Variants in SLC35F4 observed in about 807,000 individuals in gnomAD.
SLC35F4 encodes the protein solute carrier family 35 member F4.
SLC35F4 carries 24 observed loss-of-function variants against 44.2 expected under a neutral mutation model. The observed-to-expected ratio is 0.54, with a 90% CI of 0.39 to 0.76. The LOEUF (loss-of-function observed/expected upper bound fraction) is 0.76. SLC35F4 is among the 30% of genes least tolerant of loss of function. The pLI is 0.00. For missense variants in SLC35F4, 562 were observed against 586.1 expected (o/e 0.96, Z 0.42); for synonymous variants, 238 against 223.6 (o/e 1.06, Z -0.57).
intron 1 of SLC35F4, among the ~76,000 whole-genome samples, chr14:57,625,224 C>T (rs1400411982): frequency 6.6e-6 from 1 of 152,028 alleles, no homozygotes; most frequent in Non-Finnish European, 1.5e-5. Flanking sequence ...GAATAAAATA[C>T]ATAGGAATAT....
At chr14:57,980,668 A>G (rs967246313) in intron 1 of SLC35F4, among the ~76,000 whole-genome samples, 5 of 152,198 alleles carry the variant, frequency 3.3e-5, no homozygotes, top group African/African-American at 1.2e-4. Context: ...GTGTACATGT[A>G]TGTGTGGTTT....
intron 1 of SLC35F4, among the ~76,000 whole-genome samples, chr14:57,807,366 T>TA (rs2140875519): frequency 6.6e-6 from 1 of 151,512 alleles, no homozygotes; most frequent in Admixed American, 6.5e-5. Flanking sequence ...CTTCCCCTGT[T>TA]AGCAACCCAC....
In SLC35F4 at chr14:57,922,251, C is replaced by T. The variant is rs549365966; in HGVS notation, n.282+59662G>A. Among the ~76,000 whole-genome samples the T allele has an allele frequency of 2.6e-5, 4 of 152,262 alleles. No homozygotes were observed. The South Asian group carries it at 8.3e-4, about 32-fold the overall frequency. Reference sequence around the variant, plus strand: ...ACACCCAGAGAGGTTATTAAAAATGCAGGTGCCTGAAATAGAGCCCTGAAG... The same window carrying T: ...ACACCCAGAGAGGTTATTAAAAATGTAGGTGCCTGAAATAGAGCCCTGAAG... On this transcript the variant is annotated intron_variant and non_coding_transcript_variant, in intron 1 of 1. Transcript: ENST00000556568.
intron 1 of SLC35F4, among the ~76,000 whole-genome samples, chr14:57,769,033 T>C (rs1296793035): frequency 1.3e-5 from 2 of 152,166 alleles, no homozygotes; most frequent in Middle Eastern, 6.3e-3. Context: ...TTAGTTGCTC[T>C]AAAGAGTACT....
At chr14:57,770,252 C>T (rs137900371) in intron 1 of SLC35F4, among the ~76,000 whole-genome samples, 21 of 152,264 alleles carry the variant, frequency 1.4e-4, no homozygotes, top group Admixed American at 3.3e-4. Context: ...TCTTCCTGTC[C>T]GACAAGTGAT....
intron 1 of SLC35F4, among the ~76,000 whole-genome samples, chr14:57,769,347 C>CTTGCAA (rs947920991): frequency 3.9e-5 from 6 of 152,156 alleles, no homozygotes; most frequent in Admixed American, 3.9e-4. Flanking sequence ...GCATGTTTTC[C>CTTGCAA]TTGCAACTGC....
chr14:57,758,037 G>GTGTA (rs1555384226), intron 1 of SLC35F4, among the ~76,000 whole-genome samples: 5 of 149,168 alleles, frequency 3.4e-5, no homozygotes, highest in African/African-American at 1.3e-4. Flanking sequence ...GTGTGTGTGT[G>GTGTA]TGTGTTATTT....
At chr14:57,600,468 G>A (rs374374743) in intron 1 of SLC35F4, among the ~76,000 whole-genome samples, 3 of 150,552 alleles carry the variant, frequency 2.0e-5, no homozygotes, top group East Asian at 3.9e-4. Flanking sequence ...CAAGGTGGGC[G>A]GATCACGAGG....
chr14:57,776,665 C>CAAAAAAAA (rs57272978), intron 1 of SLC35F4, among the ~76,000 whole-genome samples: 16 of 72,056 alleles, frequency 2.2e-4, no homozygotes, highest in African/African-American at 6.0e-4. Flanking sequence ...GACTCCATCT[C>CAAAAAAAA]AAAAAAAAAA....
At chr14:57,585,881 G>A (rs565983666) in intron 3 of SLC35F4, among the ~76,000 whole-genome samples, 11 of 152,248 alleles carry the variant, frequency 7.2e-5, no homozygotes, top group African/African-American at 1.4e-4. Flanking sequence ...AATCAATATC[G>A]TCAAAATGGC....
chr14:57,655,749 A>C (rs1166748926), intron 1 of SLC35F4, among the ~76,000 whole-genome samples: 1 of 152,120 alleles, frequency 6.6e-6, no homozygotes, highest in African/African-American at 2.4e-5. Context: ...CTATAGACAC[A>C]CACTACTCCA....
At chr14:57,701,075 A>G (rs567363640) in intron 1 of SLC35F4, among the ~76,000 whole-genome samples, 3 of 152,262 alleles carry the variant, frequency 2.0e-5, no homozygotes, top group Admixed American at 1.3e-4. Context: ...GGGTTCAAGC[A>G]GTACTCCCAC....
At chr14:57,746,387 T>C (rs1006336177) in intron 1 of SLC35F4, among the ~76,000 whole-genome samples, 1 of 152,184 alleles carries the variant, frequency 6.6e-6, no homozygotes. Flanking sequence ...ATTTTGTTAA[T>C]ACTTTTTCTG....
rs1566518289 is a variant in SLC35F4, at chr14:57,964,988, A to AT, written n.282+16924_282+16925insA. 5.1e-3 allele frequency among the ~76,000 whole-genome samples: 694 copies of AT among 136,672 alleles called. 4 individuals carry two copies. Among genetic ancestry groups the AT allele is most frequent in the African/African-American group, 9.2e-3 (319 of 34,806 alleles). 89.7% of individuals were successfully genotyped at this position (136,672 alleles called of 152,430 possible). On this transcript the variant is annotated intron_variant and non_coding_transcript_variant, in intron 1 of 1. Coordinates refer to the SLC35F4 transcript ENST00000556568. ...CTCCCATGGGGGAAAAAAAAAAAAA[A>AT]AAAATATATATATATATATATATAG...
intron 1 of SLC35F4, among the ~76,000 whole-genome samples, chr14:57,651,076 T>G (rs1214206675): frequency 6.6e-6 from 1 of 152,172 alleles, no homozygotes; most frequent in Non-Finnish European, 1.5e-5. Flanking sequence ...CCAAACCATT[T>G]TCCTCATCAG....
downstream of SLC35F4, among the ~76,000 whole-genome samples, chr14:57,975,191 C>T (rs537726661): frequency 3.0e-4 from 45 of 152,222 alleles, no homozygotes; most frequent in Middle Eastern, 3.4e-3. Context: ...TCTTGCAATT[C>T]CCAGAGTCCC....
intron 1 of SLC35F4, among the ~76,000 whole-genome samples, chr14:57,978,003 C>A (rs7158640): frequency 0.36 from 54,421 of 151,914 alleles, 10,313 homozygotes; most frequent in African/African-American, 0.5. Context: ...ATGAAAGATT[C>A]GAGAAAAGAA....
At chr14:57,778,551 G>A (rs1400853062) in intron 1 of SLC35F4, among the ~76,000 whole-genome samples, 1 of 151,638 alleles carries the variant, frequency 6.6e-6, no homozygotes, top group Non-Finnish European at 1.5e-5. Flanking sequence ...AATACCCACT[G>A]ACAATATTAG....
chr14:57,612,548 T>C (rs2071577177), intron 1 of SLC35F4, among the ~76,000 whole-genome samples: 1 of 152,212 alleles, frequency 6.6e-6, no homozygotes, highest in African/African-American at 2.4e-5. Context: ...TAATTTCTGG[T>C]TTATTTATTT....
Sources: allele counts gnomAD v4.1 joint callset (sites outside exome capture counted in the v4.1 genomes callset), GRCh38; gene constraint gnomAD v4.1.1; transcripts MANE v1.5; gene names NCBI Gene and HGNC (gene_info 2026-07-23, HGNC 2026-07-21).